Variants in MED17 observed in about 807,000 individuals in gnomAD.
MED17 encodes mediator of RNA polymerase II transcription subunit 17.
In MED17, 49 loss-of-function variants were observed where a neutral mutation model predicts 80.8. The ratio of observed to expected loss-of-function variants is 0.61; its 90% CI spans 0.48 to 0.77. The LOEUF is 0.77. Ranked by LOEUF, MED17 falls within the 30% of genes least tolerant of loss-of-function variation. The probability of loss-of-function intolerance (pLI) is 0.00; values close to 1 mark genes in which losing one functional copy is unlikely to be tolerated. For missense variants in MED17, 718 were observed against 787.0 expected (o/e 0.91, Z 1.05); for synonymous variants, 281 against 280.4 (o/e 1.00, Z -0.02).
chr11:93,796,245 C>T lies in MED17; in HGVS notation c.1013-165C>T. On this transcript the variant is annotated intron_variant, in intron 6 of 11. Coordinates refer to ENST00000251871, the MANE Select transcript of MED17 (RefSeq NM_004268.5). ...GGATTGCAGGCGTGAGCCACCGCAC[C>T]CGGCCAAATAGTAATCTTGATATAC... 9 of 713,202 alleles carry T rather than the reference C, an allele frequency of 1.3e-5. No homozygotes were observed. In the South Asian group the frequency reaches 1.6e-4, roughly 12 times the overall value. The allele number at this position is 713,202 out of a possible 1,614,324, so 44.2% of individuals were successfully genotyped here.
intron 8 of MED17, chr11:93,801,422 A>T (rs1313073294): frequency 4.8e-6 from 1 of 207,186 alleles, no homozygotes; most frequent in African/African-American, 2.3e-5. Flanking sequence ...ATGGGTCTAG[A>T]TGTGGGTGTG....
At chr11:93,802,403 G>GT (rs940165764) in intron 9 of MED17, among the ~76,000 whole-genome samples, 59 of 152,128 alleles carry the variant, frequency 3.9e-4, no homozygotes, top group African/African-American at 1.3e-3. Context: ...CCCGGCCCTT[G>GT]TTTTTTTGTT....
chr11:93,794,006 T>G lies in MED17; in HGVS notation c.830T>G (p.Phe277Cys). Residue 277 changes from phenylalanine to cysteine, a missense_variant, in exon 5 of 12, where the codon TTC becomes TGC. Physicochemically the swap from Phe to Cys is radical, Grantham distance 205 (BLOSUM62 -2). Transcript: ENST00000251871. ...GGTGACCTCGGCACAGTTAACCTCT[T>G]CAAACGACCTTTGCCCAAATCCAAA... is the stretch of plus-strand genomic sequence containing the variant. ...DIGDLGTVNLFKRPLPKSKPG... is the reference protein window; with the variant it reads ...DIGDLGTVNLCKRPLPKSKPG... 1 of 1,614,058 alleles carries G rather than the reference T, an allele frequency of 6.2e-7. No homozygotes were observed. Among genetic ancestry groups the G allele is most frequent in the South Asian group, 1.1e-5 (1 of 91,084 alleles).
chr11:93,806,991 G>C (rs1944032245), intron 9 of MED17: 1 of 155,468 alleles, frequency 6.4e-6, no homozygotes. Flanking sequence ...GCAAGCTGTG[G>C]TCGCTTCAAA....
chr11:93,803,632 A>G (rs1943985272), intron 9 of MED17, among the ~76,000 whole-genome samples: 1 of 152,088 alleles, frequency 6.6e-6, no homozygotes, highest in South Asian at 2.1e-4. Flanking sequence ...GGTGTTTATT[A>G]TTTATTTGCC....
intron 1 of MED17, among the ~76,000 whole-genome samples, chr11:93,786,602 G>A (rs2135708448): frequency 6.6e-6 from 1 of 151,992 alleles, no homozygotes. Flanking sequence ...CTAGTATGTG[G>A]GACTGTAGGC....
At chr11:93,805,653 A>G (rs970545291) in intron 9 of MED17, among the ~76,000 whole-genome samples, 1 of 152,210 alleles carries the variant, frequency 6.6e-6, no homozygotes, top group Non-Finnish European at 1.5e-5. Context: ...TGCCACAAGT[A>G]TGCATTCACC....
chr11:93,810,025 T>C, intron 11 of MED17, 149 bp downstream of exon 11: 1 of 788,572 alleles, frequency 1.3e-6, no homozygotes, highest in Non-Finnish European at 2.2e-6. Context: ...TGATCATAGC[T>C]ATTATGCAGA....
At chr11:93,787,307 G>A (rs1943781055) in intron 1 of MED17, among the ~76,000 whole-genome samples, 1 of 152,056 alleles carries the variant, frequency 6.6e-6, no homozygotes, top group South Asian at 2.1e-4. Flanking sequence ...CAGCTACTGG[G>A]GAGGCTGAGG....
chr11:93,785,735 G>A (rs1449677811), intron 1 of MED17, among the ~76,000 whole-genome samples: 1 of 152,204 alleles, frequency 6.6e-6, no homozygotes, highest in Non-Finnish European at 1.5e-5. Context: ...GGACAGGCAT[G>A]GTGGCTCACA....
intron 9 of MED17, among the ~76,000 whole-genome samples, chr11:93,804,032 C>CAT (rs1943997981): frequency 1.3e-4 from 3 of 23,388 alleles, no homozygotes; most frequent in African/African-American, 3.0e-4. Context: ...TATATACACA[C>CAT]ACACATATAC....
chr11:93,796,261 C>G (rs998330027), intron 6 of MED17, 149 bp from the exon 7 acceptor site: 6 of 828,706 alleles, frequency 7.2e-6, no homozygotes, highest in Non-Finnish European at 1.2e-5. Context: ...AAATAGTAAT[C>G]TTGATATACA....
At chr11:93,799,325 G>A (rs112794235) in intron 8 of MED17, among the ~76,000 whole-genome samples, 3 of 152,138 alleles carry the variant, frequency 2.0e-5, no homozygotes, top group South Asian at 2.1e-4. Context: ...ACAAGTGTGC[G>A]CCACCATGCC....
intron 6 of MED17, chr11:93,795,329 C>T (rs1031000512): frequency 4.3e-5 from 21 of 488,292 alleles, no homozygotes; most frequent in Admixed American, 1.4e-4. Context: ...AGAAAATTTG[C>T]ACTAGCATAG....
intron 3 of MED17, among the ~76,000 whole-genome samples, chr11:93,792,210 C>T (rs16919379): frequency 0.051 from 7,736 of 152,012 alleles, 650 homozygotes; most frequent in African/African-American, 0.18. Flanking sequence ...ATTCATTTGC[C>T]AGAGTAAGCT....
chr11:93,807,783 A>G (rs1284833957), intron 10 of MED17, 148 bp downstream of exon 10: 1 of 704,130 alleles, frequency 1.4e-6, no homozygotes, highest in Non-Finnish European at 2.6e-6. Flanking sequence ...TTAATTTCTA[A>G]TGCACATTTT....
chr11:93,790,385 C>A (rs1341648100), intron 2 of MED17, 189 bp from the exon 3 acceptor site: 1 of 626,706 alleles, frequency 1.6e-6, no homozygotes, highest in Non-Finnish European at 2.8e-6. Context: ...TTTGGTTTAA[C>A]ATAAGTAAAG....
chr11:93,809,870 A>G lies in MED17; in HGVS notation c.1738A>G (p.Ile580Val). The G allele has an allele frequency of 6.2e-7, 1 of 1,614,140 alleles. No individual in the cohort carries two copies. Among genetic ancestry groups the G allele is most frequent in the Non-Finnish European group, 8.5e-7 (1 of 1,180,006 alleles). The change falls in exon 11 of 12, where the codon ATT (isoleucine) becomes GTT (valine). Residue 580 changes from isoleucine to valine, a missense_variant. Ile to Val is a conservative substitution (Grantham distance 29). Coordinates refer to ENST00000251871, the MANE Select transcript of MED17 (RefSeq NM_004268.5). ...TVASPSGDYAISVRNGPESGS... is the reference protein window; with the variant it reads ...TVASPSGDYAVSVRNGPESGS... ...GGCCTCCCCAAGTGGTGACTATGCT[A>G]TTTCAGGTACTTTCTGCTGCTTTGA...
chr11:93,806,709 C>G (rs1414035591), intron 9 of MED17: 1 of 152,220 alleles, frequency 6.6e-6, no homozygotes, highest in African/African-American at 2.4e-5. Context: ...ATCAGTATTA[C>G]TAGGCAACAT....
Sources: allele counts gnomAD v4.1 joint callset (sites outside exome capture counted in the v4.1 genomes callset), GRCh38; gene constraint gnomAD v4.1.1; transcripts MANE v1.5; gene names NCBI Gene and HGNC (gene_info 2026-07-23, HGNC 2026-07-21).